The following ANO10 variants were observed in gnomAD, a reference collection of about 807,000 sequenced individuals.
ANO10 encodes anoctamin 10.
A neutral mutation model predicts 74.7 loss-of-function variants in ANO10; 77 were observed. The observed-to-expected ratio is 1.03, with a 90% CI of 0.86 to 1.25. ANO10 has a LOEUF of 1.25. ANO10 is among the 50% of genes most tolerant of loss of function. The pLI is 0.00. For missense variants in ANO10, 721 were observed against 778.1 expected (o/e 0.93, Z 0.87); for synonymous variants, 279 against 284.9 (o/e 0.98, Z 0.21).
At chr3:43,576,517 C>T (rs1402502212) in intron 6 of ANO10, among the ~76,000 whole-genome samples, 175 bp downstream of exon 6, 1 of 152,182 alleles carries the variant, frequency 6.6e-6, no homozygotes, top group Admixed American at 6.5e-5. Context: ...GTTACGATAA[C>T]CATGGCATGG....
chr3:43,396,390 G>A (rs948078338), intron 12 of ANO10, among the ~76,000 whole-genome samples: 2 of 151,950 alleles, frequency 1.3e-5, no homozygotes, highest in African/African-American at 2.4e-5. Context: ...CCAGGCTGGA[G>A]TGCAGTGGCG....
At chr3:43,518,201 G>A (rs568162418) in intron 11 of ANO10, among the ~76,000 whole-genome samples, 75 of 152,198 alleles carry the variant, frequency 4.9e-4, no homozygotes, top group Non-Finnish European at 6.2e-4. Flanking sequence ...AGATTTCATG[G>A]ACATTTATTA....
chr3:43,614,795 A>ATC (rs2083011161), intron 1 of ANO10, among the ~76,000 whole-genome samples: 1 of 137,510 alleles, frequency 7.3e-6, no homozygotes, highest in African/African-American at 2.6e-5. Context: ...ATATATATAT[A>ATC]TATATATAGG....
intron 11 of ANO10, among the ~76,000 whole-genome samples, chr3:43,470,711 C>T (rs1474591907): frequency 6.6e-6 from 1 of 151,904 alleles, no homozygotes; most frequent in Non-Finnish European, 1.5e-5. Context: ...ATTGTAGCCT[C>T]AACCTCCCGG....
At chr3:43,604,956 T>C (rs1242825939) in intron 2 of ANO10, among the ~76,000 whole-genome samples, 1 of 152,126 alleles carries the variant, frequency 6.6e-6, no homozygotes, top group African/African-American at 2.4e-5. Context: ...AACTTCAGTT[T>C]ATAGTAACAG....
At position 43,457,258 on chromosome 3, in the gene ANO10, T is replaced by C. The variant is rs367652005; in HGVS notation, c.1798-24531A>G. 4.6e-5 allele frequency among the ~76,000 whole-genome samples: 7 copies of C among 152,316 alleles called. No homozygotes were observed. In the East Asian group the frequency reaches 1.2e-3, roughly 25 times the overall value. Reference sequence around the variant, plus strand: ...TATCAAAGTTAACCCTGACAGTTAATAACCTGCTGCAGAAACATGCTTGTA... The same window carrying C: ...TATCAAAGTTAACCCTGACAGTTAACAACCTGCTGCAGAAACATGCTTGTA... On this transcript the variant is annotated intron_variant, in intron 11 of 12. Transcript: ENST00000292246.
At chr3:43,521,758 G>A (rs2077968002) in intron 11 of ANO10, among the ~76,000 whole-genome samples, 1 of 152,084 alleles carries the variant, frequency 6.6e-6, no homozygotes, top group South Asian at 2.1e-4. Flanking sequence ...ATTAAACACA[G>A]AATTATCATA....
At chr3:43,516,007 C>G (rs1045293593) in intron 11 of ANO10, among the ~76,000 whole-genome samples, 1 of 152,168 alleles carries the variant, frequency 6.6e-6, no homozygotes, top group Non-Finnish European at 1.5e-5. Flanking sequence ...CATTATCATT[C>G]TCTTCGTGAT....
chr3:43,376,463 C>G (rs2091810345), intron 12 of ANO10, among the ~76,000 whole-genome samples: 1 of 152,016 alleles, frequency 6.6e-6, no homozygotes, highest in Non-Finnish European at 1.5e-5. Flanking sequence ...AATCAAAGTC[C>G]CTAACATCAA....
intron 12 of ANO10, among the ~76,000 whole-genome samples, chr3:43,368,218 CA>C (rs1461673879): frequency 6.6e-6 from 1 of 152,114 alleles, no homozygotes; most frequent in East Asian, 1.9e-4. Flanking sequence ...CAGGTCTAAG[CA>C]GGGCTTAGGA....
At chr3:43,691,022 T>C in intron 1 of ANO10, 9 of 1,563,932 alleles carry the variant, frequency 5.8e-6, no homozygotes, top group Non-Finnish European at 6.9e-6. Flanking sequence ...AGGTGGACTC[T>C]GCCGACACCG....
chr3:43,623,264 C>T (rs911614094), upstream of ANO10, among the ~76,000 whole-genome samples: 4 of 152,178 alleles, frequency 2.6e-5, no homozygotes, highest in Non-Finnish European at 5.9e-5. Context: ...AGACCATATT[C>T]ACCTTTTATT....
chr3:43,376,829 C>G (rs1354851704), intron 12 of ANO10, among the ~76,000 whole-genome samples: 1 of 152,122 alleles, frequency 6.6e-6, no homozygotes, highest in East Asian at 1.9e-4. Context: ...TGTTATTTTG[C>G]AAACAGAAAT....
At chr3:43,563,906 A>G (rs577109184) in intron 8 of ANO10, among the ~76,000 whole-genome samples, 31 of 152,294 alleles carry the variant, frequency 2.0e-4, no homozygotes, top group African/African-American at 7.5e-4. Flanking sequence ...CAAACATACA[A>G]TTAGAGAGAA....
chr3:43,504,200 G>A (rs748022629), intron 11 of ANO10, among the ~76,000 whole-genome samples: 7 of 151,990 alleles, frequency 4.6e-5, no homozygotes, highest in Admixed American at 1.3e-4. Flanking sequence ...CCCAGGAAGC[G>A]GAGGTTGCAG....
chr3:43,656,573 C>A (rs371916937), intron 1 of ANO10, among the ~76,000 whole-genome samples: 1 of 152,224 alleles, frequency 6.6e-6, no homozygotes, highest in Non-Finnish European at 1.5e-5. Context: ...CCCTGCCCTG[C>A]GGGAAGGCAG....
At chr3:43,559,660 G>C (rs573752114) in intron 9 of ANO10, among the ~76,000 whole-genome samples, 1 of 152,276 alleles carries the variant, frequency 6.6e-6, no homozygotes, top group South Asian at 2.1e-4. Context: ...TGAGAGTACA[G>C]GGGATGGACT....
In ANO10 at chr3:43,513,922, A is replaced by G. The variant is rs933019429; in HGVS notation, c.1797+35798T>C. Among the ~76,000 whole-genome samples the G allele has an allele frequency of 7.3e-5, 11 of 150,690 alleles. No individual in the cohort carries two copies. The East Asian group carries it at 7.7e-4, about 11-fold the overall frequency. On this transcript the variant is annotated intron_variant, in intron 11 of 12. Coordinates refer to ENST00000292246, the MANE Select transcript of ANO10 (RefSeq NM_018075.5). ...TGCTATTTTTAAATATTTAATATTA[A>G]TATTAAATATTATTTTGTTTGCTAT...
intron 11 of ANO10, among the ~76,000 whole-genome samples, chr3:43,513,429 A>G: frequency 6.6e-6 from 1 of 152,274 alleles, no homozygotes; most frequent in East Asian, 1.9e-4. Context: ...TAACCACTAA[A>G]ACAACAAAAC....
Sources: gnomAD v4.1 joint callset for allele counts (sites outside exome capture counted in the v4.1 genomes callset) on GRCh38, gnomAD v4.1.1 for gene constraint, MANE v1.5 for transcripts, NCBI Gene and HGNC (gene_info 2026-07-23, HGNC 2026-07-21) for gene names.